SSH2: variants seen among roughly 807,000 people sequenced by gnomAD.
SSH2 encodes protein phosphatase Slingshot homolog 2.
A neutral mutation model predicts 135.2 loss-of-function variants in SSH2; 37 were observed. The ratio of observed to expected loss-of-function variants is 0.27; its 90% confidence interval spans 0.21 to 0.36. SSH2 has a LOEUF of 0.36. SSH2 is among the 10% of genes least tolerant of loss of function. The pLI is 1.00. For synonymous variants in SSH2, 628 were observed against 646.2 expected (o/e 0.97, Z 0.43); for missense variants, 1,408 against 1,765.3 (o/e 0.80, Z 3.63).
At chr17:29,861,074 G>T (rs2065756477) in intron 1 of SSH2, among the ~76,000 whole-genome samples, 1 of 150,538 alleles carries the variant, frequency 6.6e-6, no homozygotes, top group Non-Finnish European at 1.5e-5. Context: ...GGAGTTTTTT[G>T]TTTTTTTTTC....
chr17:29,732,293 T>C (rs2040223949), intron 3 of SSH2, among the ~76,000 whole-genome samples: 1 of 152,206 alleles, frequency 6.6e-6, no homozygotes, highest in Non-Finnish European at 1.5e-5. Flanking sequence ...AGTATATAAA[T>C]GCAAATTATT....
At chr17:29,894,972 A>T (rs2066417463) in intron 1 of SSH2, among the ~76,000 whole-genome samples, 1 of 151,154 alleles carries the variant, frequency 6.6e-6, no homozygotes, top group Non-Finnish European at 1.5e-5. Context: ...CTGCTATCAC[A>T]TAAGGCTCTT....
At chr17:29,689,888 C>T (rs1031355065) in intron 5 of SSH2, among the ~76,000 whole-genome samples, 1 of 151,628 alleles carries the variant, frequency 6.6e-6, no homozygotes, top group Non-Finnish European at 1.5e-5. Context: ...ATGGCATGTA[C>T]CTGTAATCCC....
intron 3 of SSH2, chr17:29,716,702 G>A: frequency 1.6e-6 from 1 of 607,534 alleles, no homozygotes; most frequent in South Asian, 1.4e-5. Context: ...TGAATTACTG[G>A]AAGATGGCAG....
chr17:29,707,553 T>A (rs932162463), intron 3 of SSH2, among the ~76,000 whole-genome samples: 8 of 149,164 alleles, frequency 5.4e-5, no homozygotes, highest in African/African-American at 2.0e-4. Flanking sequence ...TGAGATGGAG[T>A]CTTGCTCTCT....
chr17:29,813,289 A>G (rs1233115767), intron 2 of SSH2, among the ~76,000 whole-genome samples: 1 of 151,782 alleles, frequency 6.6e-6, no homozygotes, highest in African/African-American at 2.4e-5. Context: ...AGGCTAAGGC[A>G]GGAGAATCGC....
At chr17:29,712,038 A>G (rs964483181) in intron 3 of SSH2, among the ~76,000 whole-genome samples, 1 of 152,248 alleles carries the variant, frequency 6.6e-6, no homozygotes, top group African/African-American at 2.4e-5. Context: ...TTAGGGAGAC[A>G]TGAGACATCA....
intron 14 of SSH2, among the ~76,000 whole-genome samples, chr17:29,644,417 T>G: frequency 6.6e-6 from 1 of 152,214 alleles, no homozygotes; most frequent in African/African-American, 2.4e-5. Flanking sequence ...AACTGCTTCC[T>G]CTCTTTTTGG....
intron 5 of SSH2, among the ~76,000 whole-genome samples, chr17:29,688,304 C>T (rs530967390): frequency 3.9e-5 from 6 of 152,080 alleles, no homozygotes; most frequent in South Asian, 2.1e-4. Context: ...CCACTACGCC[C>T]GGCCAGATGT....
At chr17:29,761,236 G>A (rs1407236220) in intron 3 of SSH2, 16 of 1,289,698 alleles carry the variant, frequency 1.2e-5, no homozygotes, top group Non-Finnish European at 1.6e-5. Flanking sequence ...AGGTGCAAGC[G>A]AGGGGCGCCT....
At chr17:29,802,512 G>GTAA (rs1423323923) in intron 2 of SSH2, among the ~76,000 whole-genome samples, 25 of 151,618 alleles carry the variant, frequency 1.6e-4, no homozygotes, top group African/African-American at 2.4e-5. Flanking sequence ...GCCAGGCATG[G>GTAA]TGGCTCATGC....
At chr17:29,643,135 C>G (rs2036233358) in intron 14 of SSH2, 1 of 985,322 alleles carries the variant, frequency 1.0e-6, no homozygotes, top group Admixed American at 6.1e-5. Context: ...TTCATACAGT[C>G]ATAGGAGTCT....
chr17:29,727,661 T>C (rs746663530), intron 3 of SSH2, among the ~76,000 whole-genome samples: 3 of 152,134 alleles, frequency 2.0e-5, no homozygotes, highest in African/African-American at 4.8e-5. Flanking sequence ...GCTTCTTACC[T>C]CTCTTCTATA....
intron 8 of SSH2, among the ~76,000 whole-genome samples, chr17:29,674,619 A>G (rs2151052413): frequency 6.6e-6 from 1 of 151,840 alleles, no homozygotes; most frequent in East Asian, 1.9e-4. Context: ...TCAACTCACT[A>G]CTCCCCATAA....
At chr17:29,899,651 C>T (rs2066509748) in intron 1 of SSH2, among the ~76,000 whole-genome samples, 1 of 152,144 alleles carries the variant, frequency 6.6e-6, no homozygotes, top group Admixed American at 6.6e-5. Context: ...AATGGAAGAA[C>T]ATTCCATGCT....
chr17:29,787,939 AGGCT>A (rs1409699145), intron 3 of SSH2: 1 of 152,536 alleles, frequency 6.6e-6, no homozygotes, highest in African/African-American at 2.4e-5. Context: ...CATGTTTCCC[AGGCT>A]GGTCTCAAAC....
intron 1 of SSH2, among the ~76,000 whole-genome samples, chr17:29,866,488 AAAC>A (rs1685099650): frequency 6.6e-6 from 1 of 152,220 alleles, no homozygotes; most frequent in South Asian, 2.1e-4. Flanking sequence ...CATCCACAAA[AAAC>A]AACAAGTTAA....
chr17:29,713,140 C>T (rs1013159271), intron 3 of SSH2, among the ~76,000 whole-genome samples: 2 of 152,032 alleles, frequency 1.3e-5, no homozygotes. Context: ...TCGAGACTAT[C>T]CTGGCTAAAA....
At chr17:29,719,077 A>G (rs564299264) in intron 3 of SSH2, among the ~76,000 whole-genome samples, 2 of 152,210 alleles carry the variant, frequency 1.3e-5, no homozygotes, top group South Asian at 2.1e-4. Context: ...CTGGGCGGCA[A>G]CAACCACTAT....
Sources: allele counts gnomAD v4.1 joint callset (sites outside exome capture counted in the v4.1 genomes callset), GRCh38; gene constraint gnomAD v4.1.1; transcripts MANE v1.5; gene names NCBI Gene and HGNC (gene_info 2026-07-23, HGNC 2026-07-21).